Variants in SNURF observed in about 807,000 individuals in gnomAD.
The protein encoded by SNURF is SNRPN upstream open reading frame.
A neutral mutation model predicts 11.6 loss-of-function variants in SNURF; 6 were observed. The observed-to-expected ratio is 0.52, with a 90% CI of 0.28 to 1.02. SNURF has a LOEUF of 1.02. SNURF is among the 50% of genes least tolerant of loss of function. The probability of loss-of-function intolerance (pLI) is 0.09; values close to 1 mark genes in which losing one functional copy is unlikely to be tolerated. For synonymous variants in SNURF, 29 were observed against 31.6 expected (o/e 0.92, Z 0.27); for missense variants, 84 against 88.4 (o/e 0.95, Z 0.20).
At chr15:24,969,113 AC>A (rs544785270), downstream of SNURF, among the ~76,000 whole-genome samples, 579 of 152,004 alleles carry the variant, frequency 3.8e-3, 2 homozygotes, top group Non-Finnish European at 5.0e-3. Flanking sequence ...GTTTATGGCC[AC>A]CATTTTGAGT....
chr15:24,972,192 G>C (rs1160525427), downstream of SNURF, among the ~76,000 whole-genome samples: 2 of 150,822 alleles, frequency 1.3e-5, no homozygotes, highest in Non-Finnish European at 2.9e-5. Context: ...GGAAGTGGAG[G>C]CTGCAGTGAG....
chr15:24,965,429 C>T (rs1007148800), intron 2 of SNURF, among the ~76,000 whole-genome samples: 9 of 152,076 alleles, frequency 5.9e-5, no homozygotes, highest in Non-Finnish European at 2.9e-5. Flanking sequence ...CCCAGCTACT[C>T]AGGAGGCTGA....
intron 2 of SNURF, 57 bp from the exon 3 acceptor site, chr15:24,967,873 GGT>G: frequency 1.4e-6 from 2 of 1,402,066 alleles, no homozygotes; most frequent in Non-Finnish European, 2.0e-6. Flanking sequence ...TCTTTCATAT[GGT>G]TTCCTATAAA....
At chr15:24,966,124 C>T (rs545300600) in intron 2 of SNURF, among the ~76,000 whole-genome samples, 29 of 152,230 alleles carry the variant, frequency 1.9e-4, no homozygotes, top group Admixed American at 4.6e-4. Context: ...GAACATTCCC[C>T]TCAATGCAGA....
At chr15:24,978,662 A>G, downstream of SNURF, 1 of 587,854 alleles carries the variant, frequency 1.7e-6, no homozygotes, top group South Asian at 2.2e-5. Flanking sequence ...ATGCCTATTA[A>G]GCAGTTGATT....
downstream of SNURF, among the ~76,000 whole-genome samples, chr15:24,971,151 AG>A (rs1481140484): frequency 1.3e-5 from 2 of 152,172 alleles, no homozygotes; most frequent in African/African-American, 4.8e-5. Flanking sequence ...ATCATTTGAA[AG>A]TCTACAGTTT....
chr15:24,976,718 A>C (rs1001422157), intron 5 of SNURF, among the ~76,000 whole-genome samples: 10 of 152,248 alleles, frequency 6.6e-5, no homozygotes, highest in African/African-American at 2.4e-4. Flanking sequence ...TATACACAAG[A>C]TACCTCCATG....
At chr15:24,956,937 T>A (rs1247462042) in intron 1 of SNURF, among the ~76,000 whole-genome samples, 2 of 152,232 alleles carry the variant, frequency 1.3e-5, no homozygotes, top group Admixed American at 1.3e-4. Flanking sequence ...CAAGACCTGC[T>A]GTGCTGTTTC....
At position 24,955,030 on chromosome 15, in the gene SNURF, A is replaced by C; in HGVS notation, c.-19A>C. ...CGGAGATGCCTGACGCATCTGTCTG[A>C]GGAGCGGTCAGTGACGCGATGGAGC... On this transcript the variant is annotated 5_prime_UTR_variant, in exon 1 of 3. An upstream open reading frame in the 5' UTR loses its in-frame stop. Transcript: ENST00000577949. 1 of 1,612,966 alleles carries C rather than the reference A, an allele frequency of 6.2e-7. No individual in the cohort carries two copies. The highest frequency in any genetic ancestry group is 1.7e-5 in the Admixed American group (1 of 60,018).
chr15:24,968,256 C>A (rs552367197), exon 3 of SNURF: 1 of 518,110 alleles, frequency 1.9e-6, no homozygotes, highest in East Asian at 3.4e-5. Flanking sequence ...TGCCCTGACA[C>A]TTTCGTCATG....
intron 3 of SNURF, chr15:24,974,540 G>A (rs1241203238): frequency 2.3e-6 from 3 of 1,280,178 alleles, no homozygotes; most frequent in African/African-American, 2.9e-5. Context: ...GTGATCTTGG[G>A]TTCTGAATGT....
At chr15:24,959,324 G>T (rs904400899) in intron 1 of SNURF, among the ~76,000 whole-genome samples, 2 of 152,132 alleles carry the variant, frequency 1.3e-5, no homozygotes, top group African/African-American at 2.4e-5. Context: ...TTTATATGTA[G>T]ATTAAAAATA....
exon 3 of SNURF, chr15:24,968,263 CA>C (rs2075939881): frequency 4.0e-6 from 2 of 503,136 alleles, no homozygotes; most frequent in African/African-American, 3.9e-5. Context: ...ACACTTTCGT[CA>C]TGTTTCTGTA....
downstream of SNURF, among the ~76,000 whole-genome samples, chr15:24,973,258 T>C (rs2076663466): frequency 6.6e-6 from 1 of 152,184 alleles, no homozygotes; most frequent in Admixed American, 6.5e-5. Flanking sequence ...TACAGGTTTG[T>C]AGCCTAGGAT....
At chr15:24,970,772 C>A (rs181731009), downstream of SNURF, among the ~76,000 whole-genome samples, 1 of 152,128 alleles carries the variant, frequency 6.6e-6, no homozygotes, top group Admixed American at 6.5e-5. Flanking sequence ...AATTAGTAGA[C>A]CATTAGTTTC....
rs75210247 is a variant in SNURF, at chr15:24,958,386, CT to C, written c.14+3339del. On this transcript the variant is annotated intron_variant, in intron 1 of 2. Coordinates refer to ENST00000577949, the Ensembl canonical transcript of SNURF. The stretch of plus-strand genomic sequence containing the variant: ...TTAGACCTGTCACTGGTCCTGTCTC[CT>C]TTTTTTTTTTTTTTGTGGCCCAGGG... Among the ~76,000 whole-genome samples, 163 of 124,186 alleles carry C rather than the reference CT, an allele frequency of 1.3e-3. 2 individuals are homozygous for C. The highest frequency in any genetic ancestry group is 2.5e-3 in the Admixed American group (30 of 12,000). 81.5% of individuals were successfully genotyped at this position (124,186 alleles called of 152,430 possible).
At chr15:24,955,709 G>C (rs967796161) in intron 1 of SNURF, among the ~76,000 whole-genome samples, 1 of 150,810 alleles carries the variant, frequency 6.6e-6, no homozygotes, top group Non-Finnish European at 1.5e-5. Context: ...GTCGCGGCGC[G>C]GGGAGAGTCC....
downstream of SNURF, chr15:24,977,964 AT>A: frequency 6.7e-7 from 1 of 1,493,294 alleles, no homozygotes; most frequent in Non-Finnish European, 9.0e-7. Context: ...CTGATGAGAG[AT>A]AGCTTACTGA....
exon 3 of SNURF, chr15:24,968,272 G>T: frequency 4.2e-6 from 2 of 480,468 alleles, no homozygotes; most frequent in East Asian, 3.8e-5. Context: ...TCATGTTTCT[G>T]TATTCCAGTT....
Sources: gnomAD v4.1 joint callset for allele counts (sites outside exome capture counted in the v4.1 genomes callset) on GRCh38, gnomAD v4.1.1 for gene constraint, MANE v1.5 for transcripts, NCBI Gene and HGNC (gene_info 2026-07-23, HGNC 2026-07-21) for gene names.